FAM167A: variants seen among roughly 807,000 people sequenced by gnomAD.
The protein encoded by FAM167A is family with sequence similarity 167 member A.
Under a neutral mutation model 14.9 loss-of-function variants are expected in FAM167A, and 23 were observed. The observed-to-expected ratio is 1.55, with a 90% CI of 1.11 to 2.19. The LOEUF (loss-of-function observed/expected upper bound fraction) is 2.19, where lower values mean the gene tolerates loss of function less well. FAM167A is among the 30% of genes most tolerant of loss of function. FAM167A has a pLI of 0.00. For missense variants in FAM167A, 401 were observed against 281.5 expected (o/e 1.42, Z -3.04); for synonymous variants, 174 against 117.7 (o/e 1.48, Z -3.10).
chr8:11,469,769 G>A (rs1807894681), upstream of FAM167A, among the ~76,000 whole-genome samples: 1 of 152,032 alleles, frequency 6.6e-6, no homozygotes, highest in African/African-American at 2.4e-5. Flanking sequence ...TGAAGTCCCA[G>A]CTACTTGGGA....
intron 2 of FAM167A, among the ~76,000 whole-genome samples, chr8:11,428,512 G>A (rs1210497768): frequency 1.3e-5 from 2 of 152,192 alleles, no homozygotes; most frequent in Admixed American, 6.5e-5. Flanking sequence ...GATTCCGGCC[G>A]GTCTCCCTGC....
intron 2 of FAM167A, among the ~76,000 whole-genome samples, chr8:11,431,473 G>A (rs1046788862): frequency 2.6e-5 from 4 of 152,192 alleles, no homozygotes; most frequent in Admixed American, 2.0e-4. Flanking sequence ...GGTGACGGCT[G>A]CACAGCAATG....
At chr8:11,440,841 C>T (rs1208193376) in intron 2 of FAM167A, among the ~76,000 whole-genome samples, 1 of 152,226 alleles carries the variant, frequency 6.6e-6, no homozygotes. Flanking sequence ...ATGCAAATCA[C>T]TTTCACTGAG....
intron 1 of FAM167A, among the ~76,000 whole-genome samples, chr8:11,451,844 T>C (rs146476235): frequency 7.2e-5 from 11 of 152,340 alleles, no homozygotes; most frequent in African/African-American, 2.6e-4. Flanking sequence ...ATCTCCTGCC[T>C]CTGCCTTCTG....
chr8:11,457,229 C>T (rs1018832473), intron 1 of FAM167A, among the ~76,000 whole-genome samples: 1 of 151,946 alleles, frequency 6.6e-6, no homozygotes, highest in Non-Finnish European at 1.5e-5. Context: ...GGTAAGCATT[C>T]CCTCTGGCAC....
At chr8:11,445,655 T>A (rs1175218462) in intron 1 of FAM167A, 13 of 971,716 alleles carry the variant, frequency 1.3e-5, no homozygotes, top group Non-Finnish European at 1.5e-5. Context: ...TCCTACCCCA[T>A]AACATCAGAC....
At position 11,445,005 on chromosome 8, in the gene FAM167A, T is replaced by C. The variant is rs73663145; in HGVS notation, c.-397-197A>G. 5.1e-3 allele frequency: 3,409 copies of C among 668,272 alleles called. 104 individuals carry two copies. The African/African-American group carries it at 0.062, about 12-fold the overall frequency. 41.4% of individuals were successfully genotyped at this position (668,272 alleles called of 1,614,324 possible). ...GAGAAGTTAATGAGCAATTGAAAAA[T>C]TGTGCAGTGTTTTACCATTTATATA... is the stretch of plus-strand genomic sequence containing the variant. On this transcript the variant is annotated intron_variant, in intron 1 of 2. Coordinates refer to ENST00000284486, the MANE Select transcript of FAM167A (RefSeq NM_053279.3).
rs1484279299 is a variant in FAM167A, at chr8:11,421,820, TGTG to T, written c.*2550_*2552del. ...ACAACTGCAAACAGCACTGTACACA[TGTG>T]GTGAGCCAGGAGGCTGGGACGGAGG... On this transcript the variant is annotated 3_prime_UTR_variant, in exon 3 of 3. Transcript: ENST00000284486. The T allele has an allele frequency of 2.5e-6, 1 of 398,634 alleles. No individual in the cohort carries two copies. The highest frequency in any genetic ancestry group is 2.1e-5 in the African/African-American group (1 of 48,624). The allele number at this position is 398,634 out of a possible 1,614,324, so 24.7% of individuals were successfully genotyped here.
intron 1 of FAM167A, among the ~76,000 whole-genome samples, chr8:11,448,905 G>A (rs936683658): frequency 2.0e-5 from 3 of 152,238 alleles, no homozygotes; most frequent in African/African-American, 7.2e-5. Flanking sequence ...TCTGTGCAAT[G>A]GCTGAGGATC....
chr8:11,431,131 C>T (rs1325748755), intron 2 of FAM167A, among the ~76,000 whole-genome samples: 1 of 152,212 alleles, frequency 6.6e-6, no homozygotes, highest in South Asian at 2.1e-4. Flanking sequence ...CACCAATAGG[C>T]GGAACCAACC....
At chr8:11,461,644 C>G (rs1247077039) in intron 1 of FAM167A, among the ~76,000 whole-genome samples, 1 of 152,250 alleles carries the variant, frequency 6.6e-6, no homozygotes, top group Non-Finnish European at 1.5e-5. Context: ...CTTCAGCCCA[C>G]CAGAGTGGCT....
At chr8:11,443,239 G>A (rs964453533) in intron 2 of FAM167A, among the ~76,000 whole-genome samples, 9 of 152,200 alleles carry the variant, frequency 5.9e-5, no homozygotes, top group African/African-American at 2.2e-4. Context: ...GGTGGAAGGG[G>A]ACAGGGCACC....
chr8:11,474,494 A>G (rs993156050), intron 1 of FAM167A: 4 of 152,202 alleles, frequency 2.6e-5, no homozygotes, highest in African/African-American at 9.6e-5. Flanking sequence ...CAACCTGGTC[A>G]GCTGCCAGGC....
In FAM167A at chr8:11,456,581, G is replaced by A. The variant is rs530103280; in HGVS notation, c.-398+10045C>T. The stretch of plus-strand genomic sequence containing the variant: ...GGGGTGGTTGCATTGCTGGGTGGAT[G>A]AGTGTGAGAGTGTGGGTAGCTGCCC... On this transcript the variant is annotated intron_variant, in intron 1 of 2. Coordinates refer to ENST00000284486, the MANE Select transcript of FAM167A (RefSeq NM_053279.3). Among the ~76,000 whole-genome samples, 4 of 151,558 alleles carry A rather than the reference G, an allele frequency of 2.6e-5. No individual in the cohort carries two copies. In the East Asian group the frequency reaches 7.8e-4, roughly 30 times the overall value.
chr8:11,473,169 G>A (rs1414820633), intron 1 of FAM167A, among the ~76,000 whole-genome samples: 2 of 152,158 alleles, frequency 1.3e-5, no homozygotes, highest in African/African-American at 2.4e-5. Context: ...AATAGCCCAC[G>A]GCAACGTCAG....
At chr8:11,469,704 A>C (rs945856264), upstream of FAM167A, among the ~76,000 whole-genome samples, 20 of 97,386 alleles carry the variant, frequency 2.1e-4, 1 homozygote, top group African/African-American at 7.8e-4. Context: ...CCACTTCTAC[A>C]AAAAAAAAAT....
intron 1 of FAM167A, among the ~76,000 whole-genome samples, chr8:11,457,077 TGGGCGGGGCTGGGTTGG>T: frequency 1.0e-4 from 1 of 9,988 alleles, no homozygotes; most frequent in Admixed American, 1.1e-3. Flanking sequence ...GTTGGGGAAG[TGGGCGGGGCTGGGTTGG>T]GGAAATGGGC....
upstream of FAM167A, among the ~76,000 whole-genome samples, chr8:11,471,696 C>T (rs1333181012): frequency 6.6e-6 from 1 of 152,192 alleles, no homozygotes; most frequent in East Asian, 1.9e-4. Context: ...GAGAACCCTG[C>T]CCTGCGCTTT....
rs555184798 is a variant in FAM167A, at chr8:11,472,655, C to T, written c.-398+3211G>A. On this transcript the variant is annotated intron_variant, in intron 1 of 1. Transcript: ENST00000648766. ...CTTCTAGACGTGATTCTAAGCAGTC[C>T]TCTCACCCAGTGAGCCTGGCTACTT... Among the ~76,000 whole-genome samples, 4 of 152,200 alleles carry T rather than the reference C, an allele frequency of 2.6e-5. No individual in the cohort carries two copies. The East Asian group carries it at 5.8e-4, about 22-fold the overall frequency.
Sources: gnomAD v4.1 joint callset for allele counts (sites outside exome capture counted in the v4.1 genomes callset) on GRCh38, gnomAD v4.1.1 for gene constraint, MANE v1.5 for transcripts, NCBI Gene and HGNC (gene_info 2026-07-23, HGNC 2026-07-21) for gene names.